NETO1: variants seen among roughly 807,000 people sequenced by gnomAD.
NETO1 encodes the protein neuropilin and tolloid-like protein 1.
Under a neutral mutation model 61.3 loss-of-function variants are expected in NETO1, and 26 were observed. The observed-to-expected ratio is 0.42, with a 90% confidence interval of 0.31 to 0.59. The LOEUF (loss-of-function observed/expected upper bound fraction) is 0.59. NETO1 is among the 20% of genes least tolerant of loss of function. The pLI, the probability that NETO1 is intolerant of heterozygous loss-of-function variation, is 0.12. For synonymous variants in NETO1, 225 were observed against 225.8 expected, an observed-to-expected ratio of 1.00 and a Z score of 0.03; for missense variants, 531 against 662.8, an observed-to-expected ratio of 0.80 and a Z score of 2.18.
At chr18:72,789,850 G>A (rs144672524) in intron 6 of NETO1, among the ~76,000 whole-genome samples, 3 of 152,048 alleles carry the variant, frequency 2.0e-5, no homozygotes, top group South Asian at 2.1e-4. Flanking sequence ...CTTAGATTAC[G>A]CTCACCTGGA....
At chr18:72,864,143 C>T (rs944645448) in intron 3 of NETO1, among the ~76,000 whole-genome samples, 4 of 151,840 alleles carry the variant, frequency 2.6e-5, no homozygotes, top group Non-Finnish European at 5.9e-5. Flanking sequence ...CGCTGGAACT[C>T]AGGGGACTCT....
chr18:72,824,810 T>C (rs1340264280), intron 4 of NETO1, among the ~76,000 whole-genome samples: 1 of 151,178 alleles, frequency 6.6e-6, no homozygotes, highest in Non-Finnish European at 1.5e-5. Context: ...ACCTGGGAGG[T>C]GGAGGCTGCA....
chr18:72,843,971 T>C (rs2074010570), intron 4 of NETO1, among the ~76,000 whole-genome samples: 1 of 152,252 alleles, frequency 6.6e-6, no homozygotes, highest in Non-Finnish European at 1.5e-5. Context: ...GTTGCAGTTT[T>C]GTACTTAGTT....
intron 1 of NETO1, among the ~76,000 whole-genome samples, chr18:72,865,983 G>A (rs1430118503): frequency 1.3e-5 from 2 of 152,180 alleles, no homozygotes; most frequent in South Asian, 2.1e-4. Flanking sequence ...GGTTTCCAGT[G>A]TCAAAGAGAC....
chr18:72,821,198 G>T (rs990615826), intron 4 of NETO1, among the ~76,000 whole-genome samples: 2 of 127,502 alleles, frequency 1.6e-5, no homozygotes, highest in African/African-American at 6.2e-5. Flanking sequence ...TCCTGAAGCA[G>T]TTTTTTCTTC....
chr18:72,750,129 T>C lies in NETO1; in HGVS notation c.1474A>G (p.Ile492Val), dbSNP rs757820644. ...GTCGGCACCTCTTCGATTTCATCTA[T>C]GTCACAGGCATCTGCAGCATCTTGC... is the stretch of plus-strand genomic sequence containing the variant. ...YSQDAADACD[I>V]DEIEEVPTTS... The change falls in exon 9 of 11, where the codon ATA (isoleucine) becomes GTA (valine). Residue 492 changes from isoleucine to valine, a missense_variant. Transcript: ENST00000327305. The C allele has an allele frequency of 2.5e-6, 4 of 1,613,534 alleles. No homozygotes were observed. The highest frequency in any genetic ancestry group is 2.5e-6 in the Non-Finnish European group (3 of 1,179,828).
chr18:72,808,454 TGGA>T (rs1483989491), intron 4 of NETO1, among the ~76,000 whole-genome samples: 17 of 124,256 alleles, frequency 1.4e-4, no homozygotes, highest in Non-Finnish European at 2.2e-4. Context: ...TGTGTGTGTG[TGGA>T]GTGTGTGTGT....
chr18:72,864,969 T>C, intron 2 of NETO1, 24 bp from the exon 3 acceptor site: 1 of 1,562,696 alleles, frequency 6.4e-7, no homozygotes, highest in Non-Finnish European at 8.6e-7. Flanking sequence ...AAAAAAGTTT[T>C]AAAAAGAGCC....
chr18:72,769,409 G>A (rs76306955), intron 7 of NETO1, among the ~76,000 whole-genome samples: 1,641 of 152,144 alleles, frequency 0.011, 30 homozygotes, highest in African/African-American at 0.038. Context: ...TGATATCCTC[G>A]AAAACTGTAT....
intron 7 of NETO1, among the ~76,000 whole-genome samples, chr18:72,770,150 T>A (rs1262677892): frequency 6.6e-6 from 1 of 152,082 alleles, no homozygotes; most frequent in Non-Finnish European, 1.5e-5. Flanking sequence ...TATGTTTACA[T>A]GTTTGCTTCT....
In NETO1 at chr18:72,763,053, C is replaced by A. The variant is rs549010752; in HGVS notation, c.869-6906G>T. Among the ~76,000 whole-genome samples, 46 of 151,890 alleles carry A rather than the reference C, an allele frequency of 3.0e-4. No individual in the cohort carries two copies. In the South Asian group the frequency reaches 9.6e-3, roughly 32 times the overall value. Reference sequence around the variant, plus strand: ...TATCTCATGTGGATTAACACTGTTTCAATTCTGTAACTTAAAGGTTTTTAA... The same window carrying A: ...TATCTCATGTGGATTAACACTGTTTAAATTCTGTAACTTAAAGGTTTTTAA... On this transcript the variant is annotated intron_variant, in intron 7 of 10. Coordinates refer to ENST00000327305, the MANE Select transcript of NETO1 (RefSeq NM_138966.5).
At chr18:72,862,148 A>T (rs908380851) in intron 3 of NETO1, among the ~76,000 whole-genome samples, 3 of 152,110 alleles carry the variant, frequency 2.0e-5, no homozygotes, top group African/African-American at 7.2e-5. Context: ...CTCATTTTAG[A>T]TGAAGACACC....
intron 3 of NETO1, among the ~76,000 whole-genome samples, chr18:72,862,622 C>T (rs201930697): frequency 0.014 from 1,737 of 122,302 alleles, 33 homozygotes; most frequent in African/African-American, 0.039. Context: ...CTTTTTTTTT[C>T]TTTTTTTTTT....
intron 6 of NETO1, among the ~76,000 whole-genome samples, chr18:72,784,759 A>C (rs2071857241): frequency 6.6e-6 from 1 of 152,228 alleles, no homozygotes; most frequent in South Asian, 2.1e-4. Flanking sequence ...ATGTGCATTC[A>C]AAATCACAAG....
intron 4 of NETO1, among the ~76,000 whole-genome samples, chr18:72,846,420 G>A (rs181945245): frequency 5.6e-5 from 8 of 142,620 alleles, no homozygotes; most frequent in African/African-American, 7.8e-5. Flanking sequence ...CAGGAGAATC[G>A]CTTGAACCTG....
At chr18:72,814,340 TG>T (rs1349147346) in intron 4 of NETO1, among the ~76,000 whole-genome samples, 1 of 152,096 alleles carries the variant, frequency 6.6e-6, no homozygotes, top group Non-Finnish European at 1.5e-5. Flanking sequence ...GAGAAGAGAA[TG>T]TATATGTTGT....
downstream of NETO1, among the ~76,000 whole-genome samples, chr18:72,743,591 C>T (rs1325485018): frequency 2.6e-5 from 4 of 152,156 alleles, no homozygotes; most frequent in Non-Finnish European, 4.4e-5. Context: ...AAGCAGTCTG[C>T]CTTCTACAGG....
intron 7 of NETO1, among the ~76,000 whole-genome samples, chr18:72,759,227 A>T (rs1437109133): frequency 6.6e-6 from 1 of 151,746 alleles, no homozygotes; most frequent in African/African-American, 2.4e-5. Context: ...CCCCTTCTCC[A>T]CTCTGCCATC....
At chr18:72,844,050 G>A (rs1388495028) in intron 4 of NETO1, among the ~76,000 whole-genome samples, 2 of 152,276 alleles carry the variant, frequency 1.3e-5, no homozygotes, top group African/African-American at 4.8e-5. Flanking sequence ...TATCTGACAT[G>A]CTCACAAAGG....
Sources: allele counts gnomAD v4.1 joint callset (sites outside exome capture counted in the v4.1 genomes callset), GRCh38; gene constraint gnomAD v4.1.1; transcripts MANE v1.5; gene names NCBI Gene and HGNC (gene_info 2026-07-23, HGNC 2026-07-21).